SYT16: variants seen among roughly 807,000 people sequenced by gnomAD.
SYT16 encodes synaptotagmin-16.
SYT16 carries 42 observed loss-of-function variants against 61.4 expected under a neutral mutation model. The observed-to-expected ratio is 0.68, with a 90% confidence interval of 0.53 to 0.89. SYT16 has a LOEUF of 0.89. SYT16 is among the 40% of genes least tolerant of loss of function. SYT16 has a pLI of 0.00. For missense variants in SYT16, 804 were observed against 807.3 expected (o/e 1.00, Z 0.05); for synonymous variants, 314 against 302.3 (o/e 1.04, Z -0.40).
chr14:62,111,325 T>G lies in SYT16; in HGVS notation c.*10618T>G, dbSNP rs898810107. ...CTATTTTAGGAGATTTTCAGGAGATTTTACCCTACATGGAGTACACTGTTC... is the reference window on the plus strand; with the variant it reads ...CTATTTTAGGAGATTTTCAGGAGATGTTACCCTACATGGAGTACACTGTTC... On this transcript the variant is annotated 3_prime_UTR_variant, in exon 8 of 8. Coordinates refer to ENST00000683842, the MANE Select transcript of SYT16 (RefSeq NM_001367656.1). 1 of 152,098 alleles carries G rather than the reference T, an allele frequency of 6.6e-6. No homozygotes were observed. Among genetic ancestry groups the G allele is most frequent in the Non-Finnish European group, 1.5e-5 (1 of 67,936 alleles). The allele number at this position is 152,098 out of a possible 1,614,324, so 9.4% of individuals were successfully genotyped here. A position where few individuals can be genotyped will look rare whatever the true frequency, so the allele number is the denominator to read the frequency against.
At chr14:62,077,221 G>A (rs2056528071) in intron 5 of SYT16, among the ~76,000 whole-genome samples, 2 of 152,196 alleles carry the variant, frequency 1.3e-5, no homozygotes, top group Admixed American at 6.5e-5. Context: ...AAAACAGAAA[G>A]GCTTTCAATT....
At chr14:62,083,681 C>G (rs368242177) in intron 6 of SYT16, among the ~76,000 whole-genome samples, 17 of 152,270 alleles carry the variant, frequency 1.1e-4, no homozygotes, top group African/African-American at 4.1e-4. Context: ...CAACCTTAAG[C>G]AGAACTAGGA....
At chr14:61,886,508 T>A (rs974390995) in intron 1 of SYT16, among the ~76,000 whole-genome samples, 4 of 152,152 alleles carry the variant, frequency 2.6e-5, no homozygotes, top group African/African-American at 7.2e-5. Context: ...TCACCAGGAG[T>A]AGATTCTGTC....
chr14:62,036,331 C>T (rs560386532), intron 3 of SYT16, among the ~76,000 whole-genome samples: 11 of 151,958 alleles, frequency 7.2e-5, no homozygotes, highest in Admixed American at 3.3e-4. Context: ...TGGCTGGAAG[C>T]GGAGATGGGC....
At chr14:61,971,196 A>G (rs928413255) in intron 2 of SYT16, among the ~76,000 whole-genome samples, 3 of 152,194 alleles carry the variant, frequency 2.0e-5, no homozygotes, top group African/African-American at 7.2e-5. Context: ...GAAAGGCATA[A>G]TGTAGGAATA....
At chr14:61,827,058 A>G (rs2045794802) in intron 1 of SYT16, among the ~76,000 whole-genome samples, 1 of 150,200 alleles carries the variant, frequency 6.7e-6, no homozygotes, top group African/African-American at 2.5e-5. Flanking sequence ...ATCTCTAAAT[A>G]CAGTTGTATT....
chr14:62,034,852 T>A (rs1041691451), intron 3 of SYT16, among the ~76,000 whole-genome samples: 2 of 152,178 alleles, frequency 1.3e-5, no homozygotes, highest in East Asian at 3.9e-4. Flanking sequence ...TGAATTGTTA[T>A]GTGATTATAT....
chr14:61,857,061 G>C (rs1456356696), intron 1 of SYT16, among the ~76,000 whole-genome samples: 1 of 152,192 alleles, frequency 6.6e-6, no homozygotes, highest in Non-Finnish European at 1.5e-5. Flanking sequence ...ATGATCCCAG[G>C]AACAGGAATG....
At chr14:61,974,398 G>GTGCT (rs889219487) in intron 2 of SYT16, among the ~76,000 whole-genome samples, 2 of 152,208 alleles carry the variant, frequency 1.3e-5, no homozygotes, top group Admixed American at 6.5e-5. Flanking sequence ...TAGTGATGAT[G>GTGCT]TGCTGTTGCA....
At chr14:61,818,717 G>C (rs1424946205) in intron 1 of SYT16, among the ~76,000 whole-genome samples, 1 of 151,090 alleles carries the variant, frequency 6.6e-6, no homozygotes, top group African/African-American at 2.4e-5. Context: ...TATTATTAAT[G>C]TTATAGAATA....
At position 61,833,315 on chromosome 14, in the gene SYT16, G is replaced by A. The variant is rs1349868297; in HGVS notation, c.-325+20505G>A. On this transcript the variant is annotated intron_variant, in intron 1 of 7. Transcript: ENST00000683842. The stretch of plus-strand genomic sequence containing the variant: ...CTTTTCTTTTTTTTTTTTTTGAGAC[G>A]GAGTCTTGTTCTTGTTGCCCAGACT... 9.8e-5 allele frequency among the ~76,000 whole-genome samples: 14 copies of A among 143,278 alleles called. No individual in the cohort carries two copies. The South Asian group carries it at 1.1e-3, about 11-fold the overall frequency. The allele number at this position is 143,278 out of a possible 152,430, so 94.0% of individuals were successfully genotyped here.
intron 1 of SYT16, among the ~76,000 whole-genome samples, chr14:61,837,154 C>T (rs1295524277): frequency 4.6e-5 from 7 of 151,772 alleles, no homozygotes; most frequent in Admixed American, 1.3e-4. Flanking sequence ...TAAGTCTGTG[C>T]TGGTGAGCAG....
intron 1 of SYT16, among the ~76,000 whole-genome samples, chr14:61,894,935 G>T (rs1352227133): frequency 2.0e-5 from 3 of 152,160 alleles, no homozygotes; most frequent in African/African-American, 7.2e-5. Context: ...GCAGTTTCTG[G>T]ACCAGGAGTA....
chr14:62,084,626 G>A (rs1011685341), intron 7 of SYT16, among the ~76,000 whole-genome samples: 3 of 152,144 alleles, frequency 2.0e-5, no homozygotes, highest in Non-Finnish European at 4.4e-5. Context: ...TTGTTTAAAG[G>A]AAAAGAATGA....
At chr14:61,835,132 C>T (rs1364284449) in intron 1 of SYT16, among the ~76,000 whole-genome samples, 3 of 151,682 alleles carry the variant, frequency 2.0e-5, no homozygotes, top group African/African-American at 7.3e-5. Context: ...GCTTTAAGAA[C>T]AGCAAAAAAC....
intron 1 of SYT16, among the ~76,000 whole-genome samples, chr14:61,813,504 A>G (rs1053444773): frequency 6.6e-6 from 1 of 152,248 alleles, no homozygotes; most frequent in African/African-American, 2.4e-5. Context: ...GATACGTATT[A>G]GTGAAGCTTC....
At chr14:61,946,937 A>C (rs1035405978) in intron 1 of SYT16, among the ~76,000 whole-genome samples, 4 of 152,190 alleles carry the variant, frequency 2.6e-5, no homozygotes, top group African/African-American at 9.6e-5. Flanking sequence ...AGATGTGGAC[A>C]AAGAACGGTT....
In SYT16 at chr14:62,106,278, TCTAA is replaced by T. The variant is rs2057511598; in HGVS notation, c.*5575_*5578del. 4 of 152,200 alleles carry T rather than the reference TCTAA, an allele frequency of 2.6e-5. No individual in the cohort carries two copies. The highest frequency in any genetic ancestry group is 4.8e-5 in the African/African-American group (2 of 41,444). The allele number at this position is 152,200 out of a possible 1,614,324, so 9.4% of individuals were successfully genotyped here. ...TACCAATATACAACTGTTAAGTTAG[TCTAA>T]CTATGTGCCATAAACAGTAGAGTTC... On this transcript the variant is annotated 3_prime_UTR_variant, in exon 8 of 8. Transcript: ENST00000683842.
intron 1 of SYT16, among the ~76,000 whole-genome samples, chr14:61,891,265 C>CACAT (rs1425152427): frequency 1.3e-5 from 2 of 151,860 alleles, no homozygotes; most frequent in Non-Finnish European, 2.9e-5. Flanking sequence ...CACACACACA[C>CACAT]ACACACAATT....
Sources: allele counts gnomAD v4.1 joint callset (sites outside exome capture counted in the v4.1 genomes callset), GRCh38; gene constraint gnomAD v4.1.1; transcripts MANE v1.5; gene names NCBI Gene and HGNC (gene_info 2026-07-23, HGNC 2026-07-21).